The following MS4A1 variants were observed in gnomAD, a reference collection of about 807,000 sequenced individuals.
MS4A1 encodes B-lymphocyte antigen CD20.
A neutral mutation model predicts 26.5 loss-of-function variants in MS4A1; 16 were observed. That is an observed-to-expected ratio of 0.60 (90% confidence interval 0.41 to 0.92). MS4A1 has a LOEUF of 0.92. MS4A1 is among the 40% of genes least tolerant of loss of function. The pLI is 0.00. For synonymous variants in MS4A1, 128 were observed against 117.6 expected (o/e 1.09, Z -0.57); for missense variants, 350 against 353.0 (o/e 0.99, Z 0.07).
intron 6 of MS4A1, chr11:60,466,572 T>A: frequency 3.1e-6 from 1 of 322,504 alleles, no homozygotes; most frequent in Non-Finnish European, 5.8e-6. Flanking sequence ...AAATGTAGAG[T>A]TTGAAAGAGA....
At position 60,466,234 on chromosome 11, in the gene MS4A1, T is replaced by G. The variant is rs2086290711; in HGVS notation, c.573+77T>G. 10 of 1,204,458 alleles carry G rather than the reference T, an allele frequency of 8.3e-6. 1 individual carries two copies. The South Asian group carries it at 1.2e-4, about 15-fold the overall frequency. The allele number at this position is 1,204,458 out of a possible 1,614,324, so 74.6% of individuals were successfully genotyped here. A position where few individuals can be genotyped will look rare whatever the true frequency, so the allele number is the denominator to read the frequency against. ...TGACTTGTTTATTATGAGCATGAAC[T>G]CTGGATCCAGACCACCTGAGTTTGC... On this transcript the variant is annotated intron_variant, in intron 6 of 7. Coordinates refer to ENST00000345732, the MANE Select transcript of MS4A1 (RefSeq NM_152866.3).
chr11:60,465,315 A>G (rs2135200845), intron 5 of MS4A1, among the ~76,000 whole-genome samples: 1 of 152,360 alleles, frequency 6.6e-6, no homozygotes, highest in Non-Finnish European at 1.5e-5. Context: ...CTACCCAAAG[A>G]CATCAGCCCT....
intron 4 of MS4A1, 67 bp from the exon 5 acceptor site, chr11:60,464,221 T>A (rs546451752): frequency 6.7e-5 from 79 of 1,183,044 alleles, no homozygotes; most frequent in Middle Eastern, 1.9e-4. Flanking sequence ...AAAAGTGATC[T>A]CCCTCTCTCC....
Position 60,466,831 on chromosome 11 carries a change from A to G in MS4A1, c.574-128A>G, listed in dbSNP as rs1461312473. 4 of 904,266 alleles carry G rather than the reference A, an allele frequency of 4.4e-6. No homozygotes were observed. In the East Asian group the frequency reaches 7.8e-5, roughly 18 times the overall value. The allele number at this position is 904,266 out of a possible 1,614,324, so 56.0% of individuals were successfully genotyped here. On this transcript the variant is annotated intron_variant, in intron 6 of 7. Coordinates refer to ENST00000345732, the MANE Select transcript of MS4A1 (RefSeq NM_152866.3). ...TCCTGTACTAGCAGTTCTCACAGCT[A>G]TTCATTACTTGTCTAAAGAATTGAT...
chr11:60,466,816 G>A (rs1234353425), intron 6 of MS4A1, 143 bp from the exon 7 acceptor site: 3 of 802,754 alleles, frequency 3.7e-6, no homozygotes. Context: ...TCCTGTACTA[G>A]CAGTTCTCAC....
intron 3 of MS4A1, 117 bp downstream of exon 3, chr11:60,462,650 G>A: frequency 1.5e-6 from 2 of 1,378,918 alleles, no homozygotes. Context: ...CCAACCTGAT[G>A]TCTTCTTTAT....
intron 1 of MS4A1, among the ~76,000 whole-genome samples, chr11:60,459,230 C>T (rs2086228655): frequency 6.6e-6 from 1 of 152,198 alleles, no homozygotes. Flanking sequence ...TGTAGTGACT[C>T]CCAGCTCATT....
At chr11:60,461,497 T>C (rs1158529188) in intron 2 of MS4A1, among the ~76,000 whole-genome samples, 1 of 151,712 alleles carries the variant, frequency 6.6e-6, no homozygotes, top group Non-Finnish European at 1.5e-5. Flanking sequence ...CAGTCTTATA[T>C]ACTGCATTAG....
At chr11:60,467,150 T>C (rs1185935737) in intron 7 of MS4A1, 90 bp downstream of exon 7, 3 of 1,129,096 alleles carry the variant, frequency 2.7e-6, no homozygotes, top group African/African-American at 3.1e-5. Context: ...TGATGAGTTG[T>C]TGAAACTAGG....
chr11:60,463,187 G>C (rs1233962803), intron 4 of MS4A1, 66 bp downstream of exon 4: 23 of 1,596,564 alleles, frequency 1.4e-5, no homozygotes, highest in Non-Finnish European at 1.9e-5. Flanking sequence ...GCTCCACAGG[G>C]ATATGCCAGA....
intron 7 of MS4A1, 115 bp downstream of exon 7, chr11:60,467,175 A>G: frequency 1.1e-6 from 1 of 884,016 alleles, no homozygotes; most frequent in Non-Finnish European, 1.8e-6. Context: ...TGATTTAAAA[A>G]AAAAAATTGG....
rs1357466853 is a variant in MS4A1, at chr11:60,470,626, A to G, written c.*2158A>G. The G allele has an allele frequency of 6.6e-6, 1 of 152,024 alleles. No individual in the cohort carries two copies. The highest frequency in any genetic ancestry group is 6.6e-5 in the Admixed American group (1 of 15,264). The allele number at this position is 152,024 out of a possible 1,614,324, so 9.4% of individuals were successfully genotyped here. A position where few individuals can be genotyped will look rare whatever the true frequency, so the allele number is the denominator to read the frequency against. Reference sequence around the variant, plus strand: ...TAGAGTCAAATAATAACATTGACCAATAGTAAACATGCTTTGCCAAGAAGT... The same window carrying G: ...TAGAGTCAAATAATAACATTGACCAGTAGTAAACATGCTTTGCCAAGAAGT... On this transcript the variant is annotated 3_prime_UTR_variant, in exon 8 of 8. Coordinates refer to ENST00000345732, the MANE Select transcript of MS4A1 (RefSeq NM_152866.3).
At position 60,463,237 on chromosome 11, in the gene MS4A1, T is replaced by G. The variant is rs559387107; in HGVS notation, c.279+116T>G. 5.6e-5 allele frequency: 81 copies of G among 1,452,864 alleles called. 1 individual carries two copies. The highest frequency in any genetic ancestry group is 7.1e-5 in the Non-Finnish European group (74 of 1,047,542). 90.0% of individuals were successfully genotyped at this position (1,452,864 alleles called of 1,614,324 possible). ...AGGGAAATATATGAGTAGGAAATAT[T>G]ATTGGGTTAAAGTAATTAAGAAGAC... On this transcript the variant is annotated intron_variant, in intron 4 of 7. Transcript: ENST00000345732.
chr11:60,462,895 G>A, intron 3 of MS4A1, 107 bp from the exon 4 acceptor site: 2 of 1,536,008 alleles, frequency 1.3e-6, no homozygotes, highest in Non-Finnish European at 1.8e-6. Flanking sequence ...GCTTCCTTTA[G>A]GCATTCCTCA....
intron 6 of MS4A1, 109 bp downstream of exon 6, chr11:60,466,266 C>T: frequency 1.1e-6 from 1 of 911,394 alleles, no homozygotes; most frequent in Non-Finnish European, 1.8e-6. Context: ...TTGCTAGTTA[C>T]TGTCTGTGTG....
chr11:60,459,559 G>A (rs2086231427), intron 1 of MS4A1, among the ~76,000 whole-genome samples: 1 of 152,144 alleles, frequency 6.6e-6, no homozygotes, highest in South Asian at 2.1e-4. Flanking sequence ...GAACAGAATG[G>A]TTTCTGAGGT....
At chr11:60,460,547 A>G (rs925648273) in intron 1 of MS4A1, among the ~76,000 whole-genome samples, 3 of 152,230 alleles carry the variant, frequency 2.0e-5, no homozygotes, top group Non-Finnish European at 2.9e-5. Context: ...CACCGGCTTC[A>G]GTAAGATATG....
rs1010130650 is a variant in MS4A1 at position 60,466,794 on chromosome 11, A to G, written c.574-165A>G. 1.4e-5 allele frequency: 10 copies of G among 708,414 alleles called. No homozygotes were observed. In the African/African-American group the frequency reaches 1.6e-4, roughly 11 times the overall value. The allele number at this position is 708,414 out of a possible 1,614,324, so 43.9% of individuals were successfully genotyped here. A position where few individuals can be genotyped will look rare whatever the true frequency, so the allele number is the denominator to read the frequency against. On this transcript the variant is annotated intron_variant, in intron 6 of 7. Transcript: ENST00000345732. ...AAGTTGTGTTAAGAGTTAGGGTTAT[A>G]AAGATGCTGTCTCCTGTACTAGCAG...
At chr11:60,463,886 G>A in intron 4 of MS4A1, 1 of 418,870 alleles carries the variant, frequency 2.4e-6, no homozygotes, top group South Asian at 1.7e-5. Flanking sequence ...ACTCTTCAGA[G>A]GGCATCAGAG....
Sources: gnomAD v4.1 joint callset for allele counts (sites outside exome capture counted in the v4.1 genomes callset) on GRCh38, gnomAD v4.1.1 for gene constraint, MANE v1.5 for transcripts, NCBI Gene and HGNC (gene_info 2026-07-23, HGNC 2026-07-21) for gene names.